Variants in NALF1 observed in about 807,000 individuals in gnomAD.
NALF1 encodes the protein family with sequence similarity 155 member A.
A neutral mutation model predicts 48.4 loss-of-function variants in NALF1; 3 were observed. The observed-to-expected ratio is 0.06, with a 90% CI of 0.03 to 0.16. The LOEUF is 0.16. NALF1 is among the 10% of genes least tolerant of loss of function. NALF1 has a pLI of 1.00. For missense variants in NALF1, 526 were observed against 571.5 expected, an observed-to-expected ratio of 0.92 and a Z score of 0.81; for synonymous variants, 262 against 245.7, an observed-to-expected ratio of 1.07 and a Z score of -0.62.
chr13:107,372,114 A>G (rs1009647447), intron 1 of NALF1, among the ~76,000 whole-genome samples: 1 of 133,140 alleles, frequency 7.5e-6, no homozygotes, highest in African/African-American at 2.6e-5. Flanking sequence ...CAGCCGCAGA[A>G]CAGGAAAGGT....
intron 1 of NALF1, among the ~76,000 whole-genome samples, chr13:107,243,080 C>G (rs995016556): frequency 2.6e-5 from 4 of 152,096 alleles, no homozygotes; most frequent in Non-Finnish European, 5.9e-5. Flanking sequence ...TTCTTTCAAG[C>G]CCTTCCTGTC....
rs562289273 is a variant in NALF1, at chr13:107,166,922, T to C, written c.*3575A>G. Reference sequence around the variant, plus strand: ...GAAACCAAATTACTTTTTGTAATGATGCCATTTAAAAGAACAACTTTCACT... The same window carrying C: ...GAAACCAAATTACTTTTTGTAATGACGCCATTTAAAAGAACAACTTTCACT... On this transcript the variant is annotated 3_prime_UTR_variant, in exon 3 of 3. Transcript: ENST00000375915. 2 of 152,354 alleles carry C rather than the reference T, an allele frequency of 1.3e-5. No individual in the cohort carries two copies. Among genetic ancestry groups the C allele is most frequent in the South Asian group, 2.1e-4 (1 of 4,828 alleles). 9.4% of individuals were successfully genotyped at this position (152,354 alleles called of 1,614,324 possible).
chr13:107,464,576 A>G (rs1055239601), intron 1 of NALF1, among the ~76,000 whole-genome samples: 1 of 152,006 alleles, frequency 6.6e-6, no homozygotes, highest in Non-Finnish European at 1.5e-5. Flanking sequence ...GCTAGAGTGC[A>G]ATGGCGCAAT....
chr13:107,402,219 A>G (rs1883821532), intron 1 of NALF1, among the ~76,000 whole-genome samples: 1 of 150,968 alleles, frequency 6.6e-6, no homozygotes, highest in South Asian at 2.1e-4. Context: ...TCAATCAGCC[A>G]TGCGGAAGAG....
intron 1 of NALF1, among the ~76,000 whole-genome samples, chr13:107,574,079 G>T (rs931686515): frequency 9.9e-5 from 15 of 152,152 alleles, no homozygotes; most frequent in Non-Finnish European, 1.5e-4. Context: ...TAGGTCCCCA[G>T]TGTAAGAGTT....
chr13:107,763,882 G>C (rs1566472953), intron 1 of NALF1, among the ~76,000 whole-genome samples: 2 of 152,086 alleles, frequency 1.3e-5, no homozygotes, highest in East Asian at 3.9e-4. Context: ...GTCCTATGCT[G>C]TGTCACCCTA....
chr13:107,652,541 A>G (rs1880473791), intron 1 of NALF1, among the ~76,000 whole-genome samples: 1 of 152,130 alleles, frequency 6.6e-6, no homozygotes, highest in Admixed American at 6.6e-5. Context: ...TATTTTGCAC[A>G]CAGAAGTCAG....
chr13:107,771,764 G>C (rs1343777293), intron 1 of NALF1, among the ~76,000 whole-genome samples: 2 of 152,042 alleles, frequency 1.3e-5, no homozygotes, highest in African/African-American at 4.8e-5. Flanking sequence ...TTTTGACGGA[G>C]TCTCGCTCTA....
intron 1 of NALF1, among the ~76,000 whole-genome samples, chr13:107,477,857 GC>G: frequency 6.6e-6 from 1 of 152,062 alleles, no homozygotes; most frequent in Non-Finnish European, 1.5e-5. Context: ...GGACCTACAA[GC>G]CATTCCTTCG....
intron 1 of NALF1, among the ~76,000 whole-genome samples, chr13:107,367,355 G>C (rs944650057): frequency 6.6e-6 from 1 of 152,178 alleles, no homozygotes; most frequent in African/African-American, 2.4e-5. Flanking sequence ...AGTATGTGCA[G>C]GTTCTGGGGC....
At chr13:107,842,301 G>C (rs188847836) in intron 1 of NALF1, among the ~76,000 whole-genome samples, 1 of 151,960 alleles carries the variant, frequency 6.6e-6, no homozygotes, top group Admixed American at 6.6e-5. Context: ...AAAACTGAGA[G>C]AAATCAAATT....
At chr13:107,355,263 T>C (rs1207987875) in intron 1 of NALF1, among the ~76,000 whole-genome samples, 2 of 151,978 alleles carry the variant, frequency 1.3e-5, no homozygotes, top group East Asian at 1.9e-4. Context: ...CACACAGTAA[T>C]AGAGTTTTTG....
At chr13:107,505,500 A>G (rs525109) in intron 1 of NALF1, among the ~76,000 whole-genome samples, 105,305 of 152,048 alleles carry the variant, frequency 0.69, 37,417 homozygotes, top group Middle Eastern at 0.82. Context: ...GCTGATTTAT[A>G]TGGAAGGAAG....
intron 1 of NALF1, among the ~76,000 whole-genome samples, chr13:107,302,518 T>C (rs938859480): frequency 2.0e-5 from 3 of 151,978 alleles, no homozygotes; most frequent in African/African-American, 7.3e-5. Flanking sequence ...AAATGAGCAA[T>C]AACTGGTATG....
chr13:107,808,750 G>A (rs969702435), intron 1 of NALF1, among the ~76,000 whole-genome samples: 6 of 151,814 alleles, frequency 4.0e-5, no homozygotes, highest in South Asian at 2.1e-4. Flanking sequence ...AGGCAGTTTG[G>A]AAGTTTACTT....
chr13:107,479,383 C>A (rs547296570), intron 1 of NALF1, among the ~76,000 whole-genome samples: 32 of 152,100 alleles, frequency 2.1e-4, no homozygotes, highest in African/African-American at 7.2e-4. Flanking sequence ...GTTAAAAATG[C>A]CAATCTTATA....
intron 1 of NALF1, among the ~76,000 whole-genome samples, chr13:107,754,498 G>A (rs1178233943): frequency 6.6e-6 from 1 of 151,858 alleles, no homozygotes; most frequent in African/African-American, 2.4e-5. Context: ...TGGAAGGAAT[G>A]AAAGTGTTTT....
intron 1 of NALF1, among the ~76,000 whole-genome samples, chr13:107,239,474 C>G (rs914695974): frequency 1.4e-4 from 21 of 152,192 alleles, no homozygotes; most frequent in African/African-American, 4.8e-4. Context: ...AGGGCCCATC[C>G]TAAAGACATC....
intron 1 of NALF1, among the ~76,000 whole-genome samples, chr13:107,701,128 T>C (rs1402006757): frequency 6.6e-6 from 1 of 152,166 alleles, no homozygotes; most frequent in East Asian, 1.9e-4. Context: ...CAATCCCTCT[T>C]TGGGGTGCAT....
Sources: allele counts gnomAD v4.1 joint callset (sites outside exome capture counted in the v4.1 genomes callset), GRCh38; gene constraint gnomAD v4.1.1; transcripts MANE v1.5; gene names NCBI Gene and HGNC (gene_info 2026-07-23, HGNC 2026-07-21).